The following CTNNA3 variants were observed in gnomAD, a reference collection of about 807,000 sequenced individuals.
CTNNA3 encodes catenin alpha 3.
Under a neutral mutation model 95.7 loss-of-function variants are expected in CTNNA3, and 76 were observed. That is an observed-to-expected ratio of 0.79 (90% confidence interval 0.66 to 0.96). The LOEUF (loss-of-function observed/expected upper bound fraction) is 0.96, where lower values mean the gene tolerates loss of function less well. CTNNA3 is among the 40% of genes least tolerant of loss of function. CTNNA3 has a pLI of 0.00. For missense variants in CTNNA3, 1,191 were observed against 1,089.8 expected (o/e 1.09, Z -1.31); for synonymous variants, 431 against 374.4 (o/e 1.15, Z -1.74).
chr10:67,752,666 T>C (rs1841413461), intron 1 of CTNNA3, among the ~76,000 whole-genome samples: 1 of 152,142 alleles, frequency 6.6e-6, no homozygotes, highest in Non-Finnish European at 1.5e-5. Flanking sequence ...ATCACAAGCA[T>C]TCCTATACAC....
At chr10:66,165,986 T>C (rs1204949746) in intron 13 of CTNNA3, among the ~76,000 whole-genome samples, 3 of 151,924 alleles carry the variant, frequency 2.0e-5, no homozygotes, top group Non-Finnish European at 4.4e-5. Context: ...CACCTTGGTC[T>C]TGAACTCCTG....
chr10:66,759,767 A>G (rs571692131), intron 9 of CTNNA3, among the ~76,000 whole-genome samples: 31 of 152,230 alleles, frequency 2.0e-4, no homozygotes, highest in Non-Finnish European at 4.1e-4. Context: ...AATATAAAAT[A>G]CATCCCAAAT....
At chr10:66,543,369 C>T (rs866897526) in intron 10 of CTNNA3, among the ~76,000 whole-genome samples, 6 of 151,992 alleles carry the variant, frequency 3.9e-5, no homozygotes, top group East Asian at 1.9e-4. Flanking sequence ...GGATTACAGG[C>T]GTGAGCTACT....
intron 5 of CTNNA3, among the ~76,000 whole-genome samples, chr10:67,353,896 C>A (rs1386711070): frequency 6.6e-6 from 1 of 151,928 alleles, no homozygotes; most frequent in Admixed American, 6.6e-5. Context: ...CAGCCACTGC[C>A]ACCAATGAAG....
intron 14 of CTNNA3, among the ~76,000 whole-genome samples, chr10:66,093,521 A>G (rs72793474): frequency 0.18 from 27,970 of 152,014 alleles, 3,125 homozygotes; most frequent in Admixed American, 0.24. Context: ...GAAAAATCAG[A>G]AATATAGGCT....
At chr10:67,654,489 CTT>C (rs35035624) in intron 1 of CTNNA3, among the ~76,000 whole-genome samples, 36 of 144,156 alleles carry the variant, frequency 2.5e-4, no homozygotes, top group East Asian at 6.1e-4. Context: ...TGTTATTCCA[CTT>C]TTTTTTTTTT....
At chr10:66,743,252 A>T (rs1206650468) in intron 9 of CTNNA3, among the ~76,000 whole-genome samples, 1 of 152,206 alleles carries the variant, frequency 6.6e-6, no homozygotes, top group Non-Finnish European at 1.5e-5. Context: ...GTGAACAGGC[A>T]TCATTGTATC....
At chr10:67,228,058 A>G (rs541755528) in intron 5 of CTNNA3, among the ~76,000 whole-genome samples, 2 of 152,186 alleles carry the variant, frequency 1.3e-5, no homozygotes, top group South Asian at 4.1e-4. Context: ...AGCCCTAAAC[A>G]CCTACACCAA....
At chr10:66,514,327 C>A (rs1840764336) in intron 11 of CTNNA3, among the ~76,000 whole-genome samples, 1 of 152,036 alleles carries the variant, frequency 6.6e-6, no homozygotes, top group Non-Finnish European at 1.5e-5. Flanking sequence ...GATTCTACAG[C>A]AACTTAGGGA....
intron 3 of CTNNA3, among the ~76,000 whole-genome samples, chr10:67,554,757 A>G (rs184697734): frequency 1.2e-4 from 18 of 152,246 alleles, no homozygotes; most frequent in Admixed American, 1.0e-3. Flanking sequence ...TCTTCAGTTT[A>G]ATTAGATCCC....
chr10:66,767,397 G>A (rs1231882440), intron 8 of CTNNA3, among the ~76,000 whole-genome samples: 8 of 150,018 alleles, frequency 5.3e-5, no homozygotes, highest in Non-Finnish European at 1.0e-4. Flanking sequence ...AGTGAGCTGA[G>A]ATCGCACCAC....
intron 9 of CTNNA3, among the ~76,000 whole-genome samples, chr10:66,704,066 T>C (rs1479795732): frequency 6.6e-6 from 1 of 152,152 alleles, no homozygotes; most frequent in African/African-American, 2.4e-5. Flanking sequence ...CGTATTCCAT[T>C]AAGTGACAAG....
chr10:66,386,748 T>G (rs1213887930), intron 11 of CTNNA3, among the ~76,000 whole-genome samples: 5 of 151,986 alleles, frequency 3.3e-5, no homozygotes, highest in Non-Finnish European at 7.4e-5. Context: ...CCAAAACAGA[T>G]ATATAGACCA....
Position 67,246,175 on chromosome 10 carries a change from T to C in CTNNA3, c.580-26305A>G, listed in dbSNP as rs555343442. On this transcript the variant is annotated intron_variant, in intron 5 of 17. Transcript: ENST00000433211. ...CTAATTAATAACGATTTTGCCTTACTCAAGAACTGTACGCAGAGCATGAAT... is the reference window on the plus strand; with the variant it reads ...CTAATTAATAACGATTTTGCCTTACCCAAGAACTGTACGCAGAGCATGAAT... Among the ~76,000 whole-genome samples, 535 of 152,304 alleles carry C rather than the reference T, an allele frequency of 3.5e-3. 1 individual carries two copies. Among genetic ancestry groups the C allele is most frequent in the African/African-American group, 0.012 (499 of 41,572 alleles).
At chr10:66,579,791 T>C (rs1843125431) in intron 10 of CTNNA3, among the ~76,000 whole-genome samples, 1 of 151,826 alleles carries the variant, frequency 6.6e-6, no homozygotes. Context: ...TTTCAGCACT[T>C]CAAAACTATT....
chr10:66,511,828 C>T (rs1238602584), intron 11 of CTNNA3, among the ~76,000 whole-genome samples: 1 of 151,844 alleles, frequency 6.6e-6, no homozygotes, highest in African/African-American at 2.4e-5. Context: ...GAAGAATGTA[C>T]ATTTTGTAGC....
chr10:65,964,470 A>AT (rs1378068928), intron 17 of CTNNA3, among the ~76,000 whole-genome samples: 1 of 152,192 alleles, frequency 6.6e-6, no homozygotes, highest in African/African-American at 2.4e-5. Flanking sequence ...CTCCTGCCTA[A>AT]TTTATCTGTA....
chr10:67,212,022 T>C (rs1051226293), intron 6 of CTNNA3, among the ~76,000 whole-genome samples: 6 of 152,038 alleles, frequency 3.9e-5, no homozygotes, highest in African/African-American at 7.2e-5. Flanking sequence ...AGCACAAGGG[T>C]TCACACAGAC....
intron 1 of CTNNA3, among the ~76,000 whole-genome samples, chr10:67,714,791 A>T: frequency 6.6e-6 from 1 of 152,196 alleles, no homozygotes; most frequent in South Asian, 2.1e-4. Flanking sequence ...TAACTGAATC[A>T]TGGGGACAGG....
Sources: allele counts gnomAD v4.1 joint callset (sites outside exome capture counted in the v4.1 genomes callset), GRCh38; gene constraint gnomAD v4.1.1; transcripts MANE v1.5; gene names NCBI Gene and HGNC (gene_info 2026-07-23, HGNC 2026-07-21).